The following LRRC8D variants were observed in gnomAD, a reference collection of about 807,000 sequenced individuals.
LRRC8D encodes the protein volume-regulated anion channel subunit LRRC8D.
Under a neutral mutation model 55.8 loss-of-function variants are expected in LRRC8D, and 20 were observed. That is an observed-to-expected ratio of 0.36 (90% CI 0.25 to 0.52). The LOEUF (loss-of-function observed/expected upper bound fraction) is 0.52. LRRC8D is among the 20% of genes least tolerant of loss of function. The pLI is 0.93. For missense variants in LRRC8D, 651 were observed against 1,030.8 expected (o/e 0.63, Z 5.05); for synonymous variants, 352 against 377.0 (o/e 0.93, Z 0.77).
At chr1:89,856,181 T>C (rs1338318028) in intron 2 of LRRC8D, among the ~76,000 whole-genome samples, 1 of 152,206 alleles carries the variant, frequency 6.6e-6, no homozygotes, top group Non-Finnish European at 1.5e-5. Context: ...GAAAACCAGC[T>C]GACTTTTTTT....
rs1388942001 is a variant in LRRC8D at position 89,911,256 on chromosome 1, C to T, written c.-2-21811C>T. Among the ~76,000 whole-genome samples, 1 of 151,522 alleles carries T rather than the reference C, an allele frequency of 6.6e-6. No individual in the cohort carries two copies. Among genetic ancestry groups the T allele is most frequent in the Non-Finnish European group, 1.5e-5 (1 of 67,920 alleles). On this transcript the variant is annotated intron_variant, in intron 2 of 2. Transcript: ENST00000337338. This position sits in a 1 kb window ranked among gnomAD's most constrained non-coding sequence, Gnocchi z 4.0. Reference sequence around the variant, plus strand: ...TCCCTTTAGACTTTTCAAAAAAGAACCTTTTAAAATTTTATGACGGGATAA... The same window carrying T: ...TCCCTTTAGACTTTTCAAAAAAGAATCTTTTAAAATTTTATGACGGGATAA...
chr1:89,865,511 T>C (rs1661821527), intron 2 of LRRC8D, among the ~76,000 whole-genome samples: 1 of 152,026 alleles, frequency 6.6e-6, no homozygotes, highest in African/African-American at 2.4e-5. Flanking sequence ...AAATATGAAG[T>C]TGTTCCATTG....
chr1:89,887,198 A>C (rs752563913), intron 2 of LRRC8D, among the ~76,000 whole-genome samples: 1 of 152,230 alleles, frequency 6.6e-6, no homozygotes, highest in African/African-American at 2.4e-5. Flanking sequence ...GTTAATTAAT[A>C]CTTATGAAGT....
chr1:89,821,480 G>T (rs1660630357), intron 1 of LRRC8D, among the ~76,000 whole-genome samples, 189 bp downstream of exon 1: 1 of 152,122 alleles, frequency 6.6e-6, no homozygotes, highest in Admixed American at 6.5e-5. Context: ...GTGGGCTCCC[G>T]TTTGCTGCCG....
intron 2 of LRRC8D, among the ~76,000 whole-genome samples, chr1:89,903,425 C>G (rs1315197441): frequency 6.6e-6 from 1 of 151,882 alleles, no homozygotes; most frequent in African/African-American, 2.4e-5. Flanking sequence ...TTTTGTTTAC[C>G]TAGTATGTGA....
rs760900807 is a variant in LRRC8D at position 89,933,536 on chromosome 1, G to A, written c.468G>A (p.Leu156=). The change falls in exon 3 of 3, where the codon CTG becomes CTA. Residue 156 remains leucine, a synonymous_variant. Transcript: ENST00000337338. This position sits in a 1 kb window ranked among gnomAD's most constrained non-coding sequence, Gnocchi z 7.0. Reference sequence around the variant, plus strand: ...TTATTAATCAAATGTGTTACCATCTGGCCCTTCCGTGGTATTCTAAGTACT... The same window carrying A: ...TTATTAATCAAATGTGTTACCATCTAGCCCTTCCGTGGTATTCTAAGTACT... ...YVFINQMCYH[L]ALPWYSKYFP... The A allele has an allele frequency of 6.2e-7, 1 of 1,614,058 alleles. No individual in the cohort carries two copies.
chr1:89,908,022 G>T (rs1037283122), intron 2 of LRRC8D, among the ~76,000 whole-genome samples: 1 of 152,106 alleles, frequency 6.6e-6, no homozygotes, highest in African/African-American at 2.4e-5. Flanking sequence ...TAAATGATGT[G>T]AATTCATGCA....
chr1:89,877,628 G>A (rs1383091049), intron 2 of LRRC8D, among the ~76,000 whole-genome samples: 1 of 152,108 alleles, frequency 6.6e-6, no homozygotes. Context: ...CTAAAACGTG[G>A]CTAATGCAGC....
At chr1:89,848,302 T>TACC (rs1329579299) in intron 2 of LRRC8D, among the ~76,000 whole-genome samples, 2 of 152,118 alleles carry the variant, frequency 1.3e-5, no homozygotes, top group Non-Finnish European at 2.9e-5. Context: ...TCATAGCCAC[T>TACC]ACCACCACCA....
chr1:89,932,774 C>G (rs1663745325), intron 2 of LRRC8D, among the ~76,000 whole-genome samples: 1 of 152,232 alleles, frequency 6.6e-6, no homozygotes, highest in Non-Finnish European at 1.5e-5. Context: ...CAAATGCCAT[C>G]CTGCTGTCAT....
intron 1 of LRRC8D, among the ~76,000 whole-genome samples, chr1:89,835,853 C>G (rs1334500708): frequency 6.6e-6 from 1 of 152,162 alleles, no homozygotes; most frequent in Admixed American, 6.5e-5. Flanking sequence ...AAAGGTATTC[C>G]TTGCCTGCAT....
chr1:89,934,027 T>C lies in LRRC8D; in HGVS notation c.959T>C (p.Ile320Thr), dbSNP rs751082895. The C allele has an allele frequency of 1.2e-6, 2 of 1,614,222 alleles. No individual in the cohort carries two copies. The highest frequency in any genetic ancestry group is 1.3e-5 in the African/African-American group (1 of 75,066). ...VQTVIKTAKF[I>T]FILCYTANFV... ...ACAGTTATCAAAACAGCCAAGTTCA[T>C]TTTTATTCTCTGCTATACAGCGAAC... The change falls in exon 3 of 3, where the codon ATT becomes ACT. Residue 320 changes from isoleucine to threonine, a missense_variant. Physicochemically the swap from Ile to Thr is moderately conservative, Grantham distance 89 (BLOSUM62 -1). This residue lies in a region of LRRC8D where 178 missense variants were observed against 374.9 expected (regional missense o/e 0.47). Transcript: ENST00000337338. This position sits in a 1 kb window ranked among gnomAD's most constrained non-coding sequence, Gnocchi z 5.9.
At chr1:89,866,917 G>GT (rs1661866171) in intron 2 of LRRC8D, among the ~76,000 whole-genome samples, 1 of 152,158 alleles carries the variant, frequency 6.6e-6, no homozygotes. Flanking sequence ...AAAAATCGGT[G>GT]TGATGTCGAC....
At position 89,933,240 on chromosome 1, in the gene LRRC8D, T is replaced by G; in HGVS notation, c.172T>G (p.Leu58Val). Residue 58 changes from leucine to valine, a missense_variant, in exon 3 of 3, where the codon TTG becomes GTG. Coordinates refer to ENST00000337338, the MANE Select transcript of LRRC8D (RefSeq NM_001134479.2). The surrounding 1 kb of genome is among the most constrained non-coding windows in gnomAD (Gnocchi z 7.0). Reference protein sequence around the residue: ...TKDQVVCLPVLPSPVNSKAHT... With the variant: ...TKDQVVCLPVVPSPVNSKAHT... Reference sequence around the variant, plus strand: ...AGATCAGGTGGTCTGTTTGCCAGTATTGCCATCTCCTGTAAATTCAAAGGC... The same window carrying G: ...AGATCAGGTGGTCTGTTTGCCAGTAGTGCCATCTCCTGTAAATTCAAAGGC... 6.2e-7 allele frequency: 1 copy of G among 1,614,154 alleles called. No individual in the cohort carries two copies. Among genetic ancestry groups the G allele is most frequent in the Non-Finnish European group, 8.5e-7 (1 of 1,180,034 alleles).
chr1:89,843,919 G>A (rs1661205650), intron 2 of LRRC8D, 137 bp downstream of exon 2: 2 of 505,244 alleles, frequency 4.0e-6, no homozygotes, highest in Admixed American at 6.7e-5. Flanking sequence ...TTCTCACCCG[G>A]GGTCTCTGCC....
At chr1:89,928,425 C>G (rs1557488035) in intron 2 of LRRC8D, among the ~76,000 whole-genome samples, 1 of 152,044 alleles carries the variant, frequency 6.6e-6, no homozygotes, top group Non-Finnish European at 1.5e-5. Flanking sequence ...AAAGGTAGTG[C>G]TTGAGCTGGG....
intron 1 of LRRC8D, among the ~76,000 whole-genome samples, chr1:89,834,547 A>C (rs1660961007): frequency 6.6e-6 from 1 of 152,250 alleles, no homozygotes; most frequent in African/African-American, 2.4e-5. Context: ...CTCATCCACA[A>C]TATGAAAGAT....
At chr1:89,831,589 GAGAA>G (rs779004333) in intron 1 of LRRC8D, among the ~76,000 whole-genome samples, 6 of 152,106 alleles carry the variant, frequency 3.9e-5, no homozygotes, top group South Asian at 4.1e-4. Flanking sequence ...GGGGAAGAAA[GAGAA>G]AGAAAGAAAA....
intron 2 of LRRC8D, among the ~76,000 whole-genome samples, chr1:89,880,718 T>G (rs750538403): frequency 1.3e-4 from 20 of 152,190 alleles, no homozygotes; most frequent in Non-Finnish European, 2.4e-4. Context: ...TTCAACCTTT[T>G]GAATTCAACA....
Sources: allele counts gnomAD v4.1 joint callset (sites outside exome capture counted in the v4.1 genomes callset), GRCh38; gene constraint gnomAD v4.1.1; regional missense constraint gnomAD v4.1.1; non-coding constraint Gnocchi (gnomAD v3.1); transcripts MANE v1.5; gene names NCBI Gene and HGNC (gene_info 2026-07-23, HGNC 2026-07-21).